The following CWC22 variants were observed in gnomAD, a reference collection of about 807,000 sequenced individuals.
The protein encoded by CWC22 is CWC22 spliceosome associated protein.
A neutral mutation model predicts 117.2 loss-of-function variants in CWC22; 53 were observed. The observed-to-expected ratio is 0.45, with a 90% confidence interval of 0.36 to 0.57. CWC22 has a LOEUF of 0.57. CWC22 is among the 20% of genes least tolerant of loss of function. CWC22 has a pLI of 0.00. For synonymous variants in CWC22, 360 were observed against 355.6 expected, an observed-to-expected ratio of 1.01 and a Z score of -0.14; for missense variants, 980 against 1,068.8, an observed-to-expected ratio of 0.92 and a Z score of 1.16.
chr2:179,961,578 T>C (rs1401990532), intron 13 of CWC22, among the ~76,000 whole-genome samples: 3 of 152,056 alleles, frequency 2.0e-5, no homozygotes, highest in Non-Finnish European at 4.4e-5. Context: ...GATGTGACTT[T>C]TTCTTTTCCA....
In CWC22 at chr2:179,993,468, C is replaced by G; in HGVS notation, c.-113-14G>C. 1 of 657,058 alleles carries G rather than the reference C, an allele frequency of 1.5e-6. No individual in the cohort carries two copies. The highest frequency in any genetic ancestry group is 1.8e-5 in the South Asian group (1 of 54,424). The allele number at this position is 657,058 out of a possible 1,614,324, so 40.7% of individuals were successfully genotyped here. ...TGCAAACATCACCTATAAAATATAC[C>G]AAAGAAAGCTTTATTAACACTAACA... On this transcript the variant is annotated splice_polypyrimidine_tract_variant and intron_variant, in intron 1 of 19. Transcript: ENST00000410053.
chr2:180,003,701 G>A (rs1278827370), intron 1 of CWC22, among the ~76,000 whole-genome samples: 2 of 152,166 alleles, frequency 1.3e-5, no homozygotes, highest in African/African-American at 2.4e-5. Context: ...TCAGGTGGAA[G>A]TGCTGAACTC....
In CWC22 at chr2:179,945,293, T is replaced by C; in HGVS notation, c.2563A>G (p.Lys855Glu). 1 of 1,613,784 alleles carries C rather than the reference T, an allele frequency of 6.2e-7. No homozygotes were observed. The highest frequency in any genetic ancestry group is 8.5e-7 in the Non-Finnish European group (1 of 1,179,806). ...NFRRKDRSKS[K>E]EMNRKHSGSR... ...CCTGAGTGCTTTCTATTCATTTCCT[T>C]TGACTTTGATCTATCTTTTCTTCTG... The change falls in exon 20 of 20, where the codon AAG (lysine) becomes GAG (glutamate). Residue 855 changes from lysine (K) to glutamate (E), a missense_variant. Lys to Glu is a moderately conservative substitution (Grantham distance 56). This residue lies in a region of CWC22 where 306 missense variants were observed against 296.8 expected (regional missense o/e 1.03). Transcript: ENST00000410053.
intron 6 of CWC22, 67 bp downstream of exon 6, chr2:179,978,123 C>T (rs889957115): frequency 7.4e-7 from 1 of 1,352,036 alleles, no homozygotes; most frequent in African/African-American, 1.5e-5. Flanking sequence ...GATTATTGTT[C>T]ATGTAGATAT....
chr2:179,952,698 T>C, intron 16 of CWC22, 100 bp from the exon 17 acceptor site: 2 of 579,912 alleles, frequency 3.4e-6, no homozygotes, highest in Non-Finnish European at 2.7e-6. Flanking sequence ...AAAATTACTA[T>C]TTATTCCCAT....
intron 16 of CWC22, among the ~76,000 whole-genome samples, chr2:179,953,064 T>C (rs1686493788): frequency 1.3e-5 from 2 of 152,090 alleles, no homozygotes; most frequent in African/African-American, 4.8e-5. Context: ...AAAACTGAAA[T>C]GCCTAAAGAA....
intron 17 of CWC22, among the ~76,000 whole-genome samples, chr2:179,951,165 CT>C (rs1222698693): frequency 6.6e-6 from 1 of 151,798 alleles, no homozygotes; most frequent in Non-Finnish European, 1.5e-5. Context: ...TTTTAAAAAA[CT>C]TTTTTTACAC....
chr2:179,955,052 T>C lies in CWC22; in HGVS notation c.1459-18A>G, dbSNP rs994338172. The C allele has an allele frequency of 2.0e-6, 3 of 1,506,806 alleles. No homozygotes were observed. The highest frequency in any genetic ancestry group is 1.8e-5 in the Admixed American group (1 of 54,784). The allele number at this position is 1,506,806 out of a possible 1,614,324, so 93.3% of individuals were successfully genotyped here. A position where few individuals can be genotyped will look rare whatever the true frequency, so the allele number is the denominator to read the frequency against. On this transcript the variant is annotated intron_variant, in intron 14 of 19. Transcript: ENST00000410053. ...AGTTCTTTCTATTTGGGAAAAAAAA[T>C]ACATTAATGATTCAAAACACAAAGA... is the stretch of plus-strand genomic sequence containing the variant.
chr2:179,969,060 T>C (rs912532729), intron 11 of CWC22, among the ~76,000 whole-genome samples: 25 of 152,258 alleles, frequency 1.6e-4, no homozygotes, highest in African/African-American at 5.8e-4. Flanking sequence ...AAAGGGATCC[T>C]GAGACGAAAG....
At chr2:179,980,419 ATTTT>A (rs34435290) in intron 5 of CWC22, among the ~76,000 whole-genome samples, 3 of 136,532 alleles carry the variant, frequency 2.2e-5, no homozygotes, top group African/African-American at 2.7e-5. Context: ...GACATTTCTT[ATTTT>A]TTTTTTTTTT....
chr2:179,993,442 C>T lies in CWC22; in HGVS notation c.-101G>A. 1.3e-6 allele frequency: 1 copy of T among 775,426 alleles called. No homozygotes were observed. 48.0% of individuals were successfully genotyped at this position (775,426 alleles called of 1,614,324 possible). Reference sequence around the variant, plus strand: ...TTCCTTGACAGTTTACTTTTTCTGTCTGCAAACATCACCTATAAAATATAC... The same window carrying T: ...TTCCTTGACAGTTTACTTTTTCTGTTTGCAAACATCACCTATAAAATATAC... On this transcript the variant is annotated 5_prime_UTR_variant, in exon 2 of 20. Transcript: ENST00000410053.
chr2:179,995,161 C>A (rs887692070), intron 1 of CWC22, among the ~76,000 whole-genome samples: 2 of 152,192 alleles, frequency 1.3e-5, no homozygotes, highest in African/African-American at 4.8e-5. Flanking sequence ...GGTCCTAAAT[C>A]CTGATGCCCA....
intron 8 of CWC22, 40 bp downstream of exon 8, chr2:179,973,153 T>C: frequency 1.4e-6 from 2 of 1,425,996 alleles, no homozygotes; most frequent in South Asian, 1.2e-5. Context: ...TCTGGTCTAA[T>C]GCCACTGAAT....
intron 1 of CWC22, among the ~76,000 whole-genome samples, chr2:179,994,622 G>A (rs1268636491): frequency 6.6e-6 from 1 of 152,198 alleles, no homozygotes; most frequent in East Asian, 1.9e-4. Flanking sequence ...TGATTGGCAT[G>A]GTGTCAAGGT....
At chr2:179,961,954 T>G (rs1309347727) in intron 13 of CWC22, among the ~76,000 whole-genome samples, 1 of 152,094 alleles carries the variant, frequency 6.6e-6, no homozygotes. Context: ...ACTGTCTTCT[T>G]TACATGATGC....
intron 13 of CWC22, among the ~76,000 whole-genome samples, chr2:179,962,778 T>G (rs1287927157): frequency 2.0e-5 from 3 of 152,126 alleles, no homozygotes; most frequent in Admixed American, 1.3e-4. Context: ...AGGGTGGCTA[T>G]AGCAAATAAC....
chr2:179,951,077 G>A (rs569190228), intron 17 of CWC22, among the ~76,000 whole-genome samples, 151 bp from the exon 18 acceptor site: 5 of 152,000 alleles, frequency 3.3e-5, no homozygotes, highest in East Asian at 3.9e-4. Flanking sequence ...GTTAGGCTAC[G>A]TGCTATCTAA....
intron 11 of CWC22, among the ~76,000 whole-genome samples, chr2:179,966,909 A>G (rs1250541128): frequency 6.6e-6 from 1 of 152,258 alleles, no homozygotes; most frequent in Non-Finnish European, 1.5e-5. Flanking sequence ...AATGAAAGTT[A>G]GCAGAGAACT....
chr2:179,965,239 G>C (rs1050355492), intron 12 of CWC22, among the ~76,000 whole-genome samples: 1 of 152,192 alleles, frequency 6.6e-6, no homozygotes, highest in Admixed American at 6.5e-5. Context: ...CTATAAGACA[G>C]AGTATTTATT....
Sources: allele counts gnomAD v4.1 joint callset (sites outside exome capture counted in the v4.1 genomes callset), GRCh38; gene constraint gnomAD v4.1.1; regional missense constraint gnomAD v4.1.1; transcripts MANE v1.5; gene names NCBI Gene and HGNC (gene_info 2026-07-23, HGNC 2026-07-21).